HECW1: variants seen among roughly 807,000 people sequenced by gnomAD.
HECW1 encodes the protein HECT, C2 and WW domain containing E3 ubiquitin protein ligase 1.
HECW1 carries 61 observed loss-of-function variants against 182.3 expected under a neutral mutation model. The observed-to-expected ratio is 0.33, with a 90% CI of 0.27 to 0.41. The LOEUF (loss-of-function observed/expected upper bound fraction) is 0.41, where lower values mean the gene tolerates loss of function less well. Ranked by LOEUF, HECW1 falls within the 10% of genes least tolerant of loss-of-function variation. HECW1 has a pLI of 1.00. For missense variants in HECW1, 1,739 were observed against 2,108.9 expected, an observed-to-expected ratio of 0.82 and a Z score of 3.44; for synonymous variants, 859 against 832.6, an observed-to-expected ratio of 1.03 and a Z score of -0.55.
intron 19 of HECW1, among the ~76,000 whole-genome samples, chr7:43,500,036 G>A (rs896889343): frequency 6.6e-6 from 1 of 151,864 alleles, no homozygotes; most frequent in African/African-American, 2.4e-5. Flanking sequence ...GATTTCTCAA[G>A]AGACACTCAC....
chr7:43,472,242 A>AT (rs1585014225), intron 16 of HECW1, among the ~76,000 whole-genome samples: 1 of 152,342 alleles, frequency 6.6e-6, no homozygotes, highest in East Asian at 1.9e-4. Context: ...GTAAAAAAAA[A>AT]GAAATGCAAA....
intron 1 of HECW1, chr7:43,113,794 G>C (rs1784832672): frequency 4.4e-6 from 1 of 229,800 alleles, no homozygotes. Context: ...CTCCATCCCC[G>C]GCTCCAGGGC....
Position 43,466,454 on chromosome 7 carries a change from G to A in HECW1, c.2799G>A (p.Arg933=), listed in dbSNP as rs111254619. Residue 933 remains arginine, a synonymous_variant, in exon 15 of 30, where the codon AGG becomes AGA. Transcript: ENST00000395891. ...TGCTTCACTTTTTTTCAGATCTAAG[G>A]AGAGAAGGGTCACTTTCTCCAGTGA... is the stretch of plus-strand genomic sequence containing the variant. The part of the protein sequence containing the change: ...AESSQSSLDL[R]REGSLSPVNS... The A allele has an allele frequency of 8.7e-5, 140 of 1,613,632 alleles. No homozygotes were observed. In the African/African-American group the frequency reaches 1.6e-3, roughly 18 times the overall value.
At chr7:43,175,187 T>TACACAC (rs148286854) in intron 2 of HECW1, among the ~76,000 whole-genome samples, 1 of 151,892 alleles carries the variant, frequency 6.6e-6, no homozygotes, top group East Asian at 1.9e-4. Context: ...CACATACACA[T>TACACAC]ACACACACAC....
At chr7:43,553,391 T>C (rs976964797) in intron 28 of HECW1, among the ~76,000 whole-genome samples, 10 of 152,130 alleles carry the variant, frequency 6.6e-5, no homozygotes, top group Non-Finnish European at 1.3e-4. Flanking sequence ...AACCGCTGTC[T>C]GCCTAGCTGG....
chr7:43,524,109 T>C (rs1248167615), intron 24 of HECW1, among the ~76,000 whole-genome samples: 1 of 151,964 alleles, frequency 6.6e-6, no homozygotes, highest in African/African-American at 2.4e-5. Context: ...CCCCATAGAG[T>C]CTGATCTCCA....
rs1262377034 is a variant in HECW1 at position 43,414,069 on chromosome 7, G to C, written c.801+6338G>C. ...GCAGTATGGCCATTTTCACGATATT[G>C]ATTCTTCCTACCCATGAGCATGGAA... On this transcript the variant is annotated intron_variant, in intron 8 of 29. Coordinates refer to ENST00000395891, the MANE Select transcript of HECW1 (RefSeq NM_015052.5). Among the ~76,000 whole-genome samples the C allele has an allele frequency of 3.3e-5, 5 of 151,782 alleles. No individual in the cohort carries two copies. In the East Asian group the frequency reaches 9.7e-4, roughly 29 times the overall value.
At chr7:43,181,776 G>C (rs6943629) in intron 2 of HECW1, among the ~76,000 whole-genome samples, 37,464 of 150,086 alleles carry the variant, frequency 0.25, 5,656 homozygotes, top group African/African-American at 0.28. Flanking sequence ...TTCTCATATT[G>C]TTTTTTGTTT....
intron 6 of HECW1, among the ~76,000 whole-genome samples, chr7:43,372,718 T>A (rs907758710): frequency 1.3e-5 from 2 of 152,178 alleles, no homozygotes; most frequent in African/African-American, 2.4e-5. Flanking sequence ...AAATTTTTTT[T>A]AAATATTCCC....
At chr7:43,553,185 C>G (rs1392067392) in intron 28 of HECW1, among the ~76,000 whole-genome samples, 1 of 152,230 alleles carries the variant, frequency 6.6e-6, no homozygotes. Context: ...CACTTCCCTA[C>G]CCACAAAACA....
chr7:43,537,486 TGTTTA>T (rs2081218024), intron 24 of HECW1, among the ~76,000 whole-genome samples: 2 of 152,178 alleles, frequency 1.3e-5, no homozygotes, highest in Non-Finnish European at 2.9e-5. Context: ...CACAGGCAAT[TGTTTA>T]GTTTAGGGGA....
intron 3 of HECW1, among the ~76,000 whole-genome samples, chr7:43,301,472 C>T (rs1029661012): frequency 1.3e-5 from 2 of 152,204 alleles, no homozygotes; most frequent in Non-Finnish European, 2.9e-5. Flanking sequence ...CCAAACTCTC[C>T]GAGGCTATGA....
intron 4 of HECW1, among the ~76,000 whole-genome samples, chr7:43,315,031 G>A (rs1230843276): frequency 2.0e-5 from 3 of 152,178 alleles, no homozygotes; most frequent in South Asian, 2.1e-4. Flanking sequence ...TGGCACATCC[G>A]TGTGCCATCA....
At chr7:43,492,429 T>A (rs1436848731) in intron 18 of HECW1, among the ~76,000 whole-genome samples, 1 of 152,126 alleles carries the variant, frequency 6.6e-6, no homozygotes, top group Non-Finnish European at 1.5e-5. Flanking sequence ...TCCCAAACTC[T>A]CAGGTCCTTT....
intron 2 of HECW1, among the ~76,000 whole-genome samples, chr7:43,241,995 TA>T (rs1335086603): frequency 6.6e-6 from 1 of 151,286 alleles, no homozygotes; most frequent in Non-Finnish European, 1.5e-5. Flanking sequence ...AAGGAAGGGG[TA>T]AATAAGTGCC....
intron 1 of HECW1, among the ~76,000 whole-genome samples, chr7:43,113,406 C>T (rs1583547318): frequency 6.6e-6 from 1 of 152,206 alleles, no homozygotes; most frequent in African/African-American, 2.4e-5. Flanking sequence ...ATGCAATGCC[C>T]GTGGTTAGCC....
chr7:43,215,490 A>G (rs1226142183), intron 2 of HECW1, among the ~76,000 whole-genome samples: 2 of 152,272 alleles, frequency 1.3e-5, no homozygotes, highest in Non-Finnish European at 2.9e-5. Context: ...AGCAGTATGT[A>G]ATTGCAATTT....
intron 5 of HECW1, among the ~76,000 whole-genome samples, chr7:43,326,663 C>G (rs1256565412): frequency 6.6e-6 from 1 of 152,168 alleles, no homozygotes; most frequent in Non-Finnish European, 1.5e-5. Flanking sequence ...GATCGTACAT[C>G]CACCTTTTAT....
chr7:43,562,903 A>G lies in HECW1; in HGVS notation c.*977A>G, dbSNP rs2082247519. 1.9e-5 allele frequency: 4 copies of G among 209,580 alleles called. No homozygotes were observed. Among genetic ancestry groups the G allele is most frequent in the Middle Eastern group, 1.5e-3 (1 of 668 alleles). 13.0% of individuals were successfully genotyped at this position (209,580 alleles called of 1,614,324 possible). The stretch of plus-strand genomic sequence containing the variant: ...GTCTAGCCACAGTTCTTCACAAAGG[A>G]AAAAAAAATGTGTAGATGATACCAT... On this transcript the variant is annotated 3_prime_UTR_variant, in exon 30 of 30. Coordinates refer to ENST00000395891, the MANE Select transcript of HECW1 (RefSeq NM_015052.5).
Sources: gnomAD v4.1 joint callset for allele counts (sites outside exome capture counted in the v4.1 genomes callset) on GRCh38, gnomAD v4.1.1 for gene constraint, MANE v1.5 for transcripts, NCBI Gene and HGNC (gene_info 2026-07-23, HGNC 2026-07-21) for gene names.